RXRA: variants seen among roughly 807,000 people sequenced by gnomAD.
The protein encoded by RXRA is retinoid X receptor alpha.
In RXRA, 5 loss-of-function variants were observed where a neutral mutation model predicts 44.5. The ratio of observed to expected loss-of-function variants is 0.11; its 90% CI spans 0.06 to 0.24. RXRA has a LOEUF of 0.24. Among genes scored for constraint, RXRA ranks in the 10% least tolerant of loss-of-function variants. The pLI, the probability that RXRA is intolerant of heterozygous loss-of-function variation, is 1.00. For synonymous variants in RXRA, 291 were observed against 271.4 expected, an observed-to-expected ratio of 1.07 and a Z score of -0.71; for missense variants, 412 against 646.5, an observed-to-expected ratio of 0.64 and a Z score of 3.93.
chr9:134,408,856 C>T, intron 3 of RXRA, 84 bp from the exon 4 acceptor site: 1 of 1,308,916 alleles, frequency 7.6e-7, no homozygotes, highest in East Asian at 2.8e-5. Flanking sequence ...GGCCCGCCAG[C>T]TGGTAGTGGC....
intron 1 of RXRA, among the ~76,000 whole-genome samples, chr9:134,381,281 G>A (rs573926248): frequency 1.3e-5 from 2 of 152,078 alleles, no homozygotes; most frequent in Non-Finnish European, 2.9e-5. Flanking sequence ...CTGGGTCCAG[G>A]GATGCAGCTG....
At chr9:134,347,885 G>A (rs1445811595) in intron 1 of RXRA, among the ~76,000 whole-genome samples, 4 of 152,144 alleles carry the variant, frequency 2.6e-5, no homozygotes, top group African/African-American at 9.7e-5. Flanking sequence ...ACAGTGGTGA[G>A]CATCCTTCAG....
intron 1 of RXRA, among the ~76,000 whole-genome samples, chr9:134,381,712 TG>T (rs1184307463): frequency 1.3e-5 from 2 of 151,970 alleles, no homozygotes; most frequent in Non-Finnish European, 2.9e-5. Context: ...GACTTGGGGG[TG>T]GGGCCTCCTG....
chr9:134,337,617 G>A (rs1374490991), intron 1 of RXRA, among the ~76,000 whole-genome samples: 4 of 152,182 alleles, frequency 2.6e-5, no homozygotes, highest in African/African-American at 7.2e-5. Context: ...AGGCATTAGC[G>A]GCTCACCCTG....
chr9:134,436,625 C>G lies in RXRA; in HGVS notation c.*11C>G. The G allele has an allele frequency of 6.2e-7, 1 of 1,613,634 alleles. No homozygotes were observed. The highest frequency in any genetic ancestry group is 8.5e-7 in the Non-Finnish European group (1 of 1,179,910). On this transcript the variant is annotated 3_prime_UTR_variant, in exon 10 of 10. Coordinates refer to ENST00000481739, the MANE Select transcript of RXRA (RefSeq NM_002957.6). The stretch of plus-strand genomic sequence containing the variant: ...CACCAAATGACTTAGGCCTGCGGGC[C>G]CATCCTTTGTGCCCACCCGTTCTGG...
At chr9:134,383,996 C>G (rs971612797) in intron 1 of RXRA, among the ~76,000 whole-genome samples, 5 of 152,144 alleles carry the variant, frequency 3.3e-5, no homozygotes, top group Admixed American at 6.5e-5. Context: ...CTAGCATGTG[C>G]CTGTGGTACA....
At chr9:134,399,894 CT>C (rs1830933372) in intron 1 of RXRA, among the ~76,000 whole-genome samples, 1 of 152,128 alleles carries the variant, frequency 6.6e-6, no homozygotes, top group Non-Finnish European at 1.5e-5. Context: ...CTTTCTGCAC[CT>C]TCCTCCCTGG....
At chr9:134,364,307 C>T (rs1830388214) in intron 1 of RXRA, among the ~76,000 whole-genome samples, 1 of 152,188 alleles carries the variant, frequency 6.6e-6, no homozygotes, top group African/African-American at 2.4e-5. Context: ...TGCGTGGGCA[C>T]CAGGGCACTG....
chr9:134,329,921 C>T (rs1834976920), intron 1 of RXRA, among the ~76,000 whole-genome samples: 1 of 152,174 alleles, frequency 6.6e-6, no homozygotes, highest in Non-Finnish European at 1.5e-5. Flanking sequence ...GCCCCTGGGG[C>T]CTGGTCGTGC....
intron 1 of RXRA, among the ~76,000 whole-genome samples, chr9:134,337,983 C>T (rs1020955267): frequency 6.6e-6 from 1 of 152,248 alleles, no homozygotes; most frequent in African/African-American, 2.4e-5. Flanking sequence ...CGGAGGGCCC[C>T]TCTGTCCAGA....
chr9:134,365,107 G>A lies in RXRA; in HGVS notation c.29-36525G>A, dbSNP rs1246419870. Among the ~76,000 whole-genome samples the A allele has an allele frequency of 1.3e-5, 2 of 152,224 alleles. No homozygotes were observed. Among genetic ancestry groups the A allele is most frequent in the African/African-American group, 4.8e-5 (2 of 41,464 alleles). ...GTGGGGTCTGGTGCTGGCAGGAGGGGGCGGGGTGAGCCAATGGCTCCGGGG... is the reference window on the plus strand; with the variant it reads ...GTGGGGTCTGGTGCTGGCAGGAGGGAGCGGGGTGAGCCAATGGCTCCGGGG... On this transcript the variant is annotated intron_variant, in intron 1 of 9. Coordinates refer to ENST00000481739, the MANE Select transcript of RXRA (RefSeq NM_002957.6). The surrounding 1 kb of genome is among the most constrained non-coding windows in gnomAD (Gnocchi z 4.0).
chr9:134,408,994 C>T lies in RXRA; in HGVS notation c.485C>T (p.Thr162Met), dbSNP rs1831102485. Residue 162 changes from threonine to methionine, a missense_variant, in exon 4 of 10, where the codon ACG becomes ATG. This residue lies in a region of RXRA where 48 missense variants were observed against 119.9 expected (regional missense o/e 0.40). Coordinates refer to ENST00000481739, the MANE Select transcript of RXRA (RefSeq NM_002957.6). ...CEGCKGFFKR[T>M]VRKDLTYTCR... Reference sequence around the variant, plus strand: ...GGGTGCAAGGGCTTCTTCAAGCGGACGGTGCGCAAGGACCTGACCTACACC... The same window carrying T: ...GGGTGCAAGGGCTTCTTCAAGCGGATGGTGCGCAAGGACCTGACCTACACC... 6.2e-7 allele frequency: 1 copy of T among 1,607,842 alleles called. No individual in the cohort carries two copies. The highest frequency in any genetic ancestry group is 8.5e-7 in the Non-Finnish European group (1 of 1,177,238).
intron 1 of RXRA, among the ~76,000 whole-genome samples, chr9:134,385,616 G>A (rs1327845240): frequency 2.6e-5 from 4 of 152,326 alleles, no homozygotes; most frequent in South Asian, 2.1e-4. Flanking sequence ...GGGATGGCAC[G>A]GTGGGGATGT....
At chr9:134,418,193 C>A (rs920009375) in intron 5 of RXRA, among the ~76,000 whole-genome samples, 1 of 152,184 alleles carries the variant, frequency 6.6e-6, no homozygotes, top group African/African-American at 2.4e-5. Flanking sequence ...TGGGAGACCC[C>A]ACCTGTCCCA....
At chr9:134,412,125 G>A (rs1409088181) in intron 4 of RXRA, among the ~76,000 whole-genome samples, 3 of 152,222 alleles carry the variant, frequency 2.0e-5, no homozygotes, top group Non-Finnish European at 4.4e-5. Context: ...ACAGCGGAGG[G>A]CAGGGCTGTT....
chr9:134,384,517 G>C (rs1235205964), intron 1 of RXRA, among the ~76,000 whole-genome samples: 1 of 152,202 alleles, frequency 6.6e-6, no homozygotes, highest in Non-Finnish European at 1.5e-5. Flanking sequence ...GCAGAGCATG[G>C]GCTTTTGTGG....
chr9:134,399,833 T>C (rs1830932538), intron 1 of RXRA, among the ~76,000 whole-genome samples: 1 of 152,214 alleles, frequency 6.6e-6, no homozygotes, highest in Admixed American at 6.5e-5. Context: ...CAGTGCTGGC[T>C]GAATCTGAGC....
chr9:134,350,286 A>C (rs1268618337), intron 1 of RXRA, among the ~76,000 whole-genome samples: 1 of 152,068 alleles, frequency 6.6e-6, no homozygotes, highest in Admixed American at 6.5e-5. Flanking sequence ...GCCTGAACAC[A>C]GTGCTGGCAT....
At chr9:134,331,288 C>T (rs1180903884) in intron 1 of RXRA, among the ~76,000 whole-genome samples, 1 of 152,242 alleles carries the variant, frequency 6.6e-6, no homozygotes, top group East Asian at 1.9e-4. Context: ...GGAAATTGCG[C>T]CCTAGAGTTA....
Sources: gnomAD v4.1 joint callset for allele counts (sites outside exome capture counted in the v4.1 genomes callset) on GRCh38, gnomAD v4.1.1 for gene constraint, gnomAD v4.1.1 regional missense constraint, Gnocchi (gnomAD v3.1) non-coding constraint, MANE v1.5 for transcripts, NCBI Gene and HGNC (gene_info 2026-07-23, HGNC 2026-07-21) for gene names.